ADGRG2: variants seen among roughly 807,000 people sequenced by gnomAD.
The protein encoded by ADGRG2 is adhesion G protein-coupled receptor G2.
In ADGRG2, 26 loss-of-function variants were observed where a neutral mutation model predicts 74.1. That is an observed-to-expected ratio of 0.35 (90% CI 0.26 to 0.49). The LOEUF is 0.49. Ranked by LOEUF, ADGRG2 falls within the 20% of genes least tolerant of loss-of-function variation. The pLI, the probability that ADGRG2 is intolerant of heterozygous loss-of-function variation, is 0.99. For missense variants in ADGRG2, 619 were observed against 763.1 expected, an observed-to-expected ratio of 0.81 and a Z score of 2.22; for synonymous variants, 296 against 295.2, an observed-to-expected ratio of 1.00 and a Z score of -0.03.
At chrX:19,063,273 C>T (rs186946522) in intron 3 of ADGRG2, among the ~76,000 whole-genome samples, 287 of 111,683 alleles carry the variant, frequency 2.6e-3, no homozygotes, top group African/African-American at 8.5e-3. Context: ...CTCCCAGAGC[C>T]CCGGGTCGGG....
chrX:19,028,173 TA>T lies in ADGRG2; in HGVS notation c.414+9del. ...TTAAGATTGCAGTAAAAAAAATCTT[TA>T]AAACTTACCTGGGGAACAGTGCTTT... On this transcript the variant is annotated intron_variant, in intron 10 of 28. Coordinates refer to ENST00000379869, the MANE Select transcript of ADGRG2 (RefSeq NM_001079858.3). 1.0e-6 allele frequency: 1 copy of T among 1,001,909 alleles called. No homozygotes were observed. The highest frequency in any genetic ancestry group is 1.4e-6 in the Non-Finnish European group (1 of 714,584). The allele number at this position is 1,001,909 out of a possible 1,213,427, so 82.6% of individuals were successfully genotyped here.
At chrX:19,114,066 T>C (rs1433546902) in intron 1 of ADGRG2, among the ~76,000 whole-genome samples, 1 of 87,740 alleles carries the variant, frequency 1.1e-5, no homozygotes, top group Non-Finnish European at 2.1e-5. Flanking sequence ...GGCAAGAATC[T>C]GTCTCAAAAA....
intron 1 of ADGRG2, among the ~76,000 whole-genome samples, chrX:19,111,940 T>A (rs964823798): frequency 1.8e-5 from 2 of 110,915 alleles, no homozygotes; most frequent in African/African-American, 3.3e-5. Context: ...AATCAATAAA[T>A]AGGGGAGAAG....
rs565502225 is a variant in ADGRG2, at chrX:19,100,358, T to C, written c.-46-17612A>G. Among the ~76,000 whole-genome samples, 12 of 113,390 alleles carry C rather than the reference T, an allele frequency of 1.1e-4. No homozygotes were observed. The South Asian group carries it at 4.3e-3, about 40-fold the overall frequency. On this transcript the variant is annotated intron_variant, in intron 1 of 28. Transcript: ENST00000379869. ...GCAGCCAAAATGGTCTCCATTGCAA[T>C]GACTGAACTCTGCTGTTGCAATGCA...
At chrX:19,061,093 T>C (rs757386105) in intron 3 of ADGRG2, among the ~76,000 whole-genome samples, 3 of 111,671 alleles carry the variant, frequency 2.7e-5, no homozygotes, top group South Asian at 7.6e-4. Flanking sequence ...TCCTTCCTCA[T>C]ATGGAGGAGG....
intron 20 of ADGRG2, among the ~76,000 whole-genome samples, chrX:19,006,753 ATTTTTTTTTTT>A (rs35276629): frequency 1.2e-5 from 1 of 81,841 alleles, no homozygotes; most frequent in Admixed American, 1.3e-4. Context: ...TAGGTGGTCA[ATTTTTTTTTTT>A]TTTTTTTTTT....
chrX:19,041,038 ATATG>A (rs1208184500), intron 3 of ADGRG2, among the ~76,000 whole-genome samples: 1 of 111,147 alleles, frequency 9.0e-6, no homozygotes, highest in Non-Finnish European at 1.9e-5. Flanking sequence ...ATATGTATAT[ATATG>A]TATGTATAAG....
Position 19,077,334 on chromosome X carries a change from TAAAAAAAAAAA to T in ADGRG2, c.-2+5357_-2+5367del, listed in dbSNP as rs34976230. On this transcript the variant is annotated intron_variant, in intron 2 of 28. Transcript: ENST00000379869. Reference sequence around the variant, plus strand: ...CAACATGATGAAACTCTGTCTCTACTAAAAAAAAAAAAAAAAAAAAAAAAAAAAATTAGCCA... The same window carrying T: ...CAACATGATGAAACTCTGTCTCTACTAAAAAAAAAAAAAAAAAATTAGCCA... 1.1e-3 allele frequency among the ~76,000 whole-genome samples: 41 copies of T among 38,615 alleles called. 1 individual carries two copies. Among genetic ancestry groups the T allele is most frequent in the Non-Finnish European group, 9.6e-4 (23 of 23,870 alleles). The allele number at this position is 38,615 out of a possible 115,157, so 33.5% of individuals were successfully genotyped here.
intron 1 of ADGRG2, among the ~76,000 whole-genome samples, chrX:19,121,934 C>T (rs2062616426): frequency 8.9e-6 from 1 of 111,999 alleles, no homozygotes; most frequent in African/African-American, 3.2e-5. Flanking sequence ...CGCTCCGTCC[C>T]TCGGTGCCCG....
At chrX:19,033,491 T>G in intron 8 of ADGRG2, 122 bp downstream of exon 8, 3 of 447,486 alleles carry the variant, frequency 6.7e-6, no homozygotes, top group Non-Finnish European at 8.0e-6. Context: ...ATCTGTTTGT[T>G]AAGACCAGAT....
chrX:19,005,648 G>A, intron 22 of ADGRG2, among the ~76,000 whole-genome samples: 1 of 107,820 alleles, frequency 9.3e-6, no homozygotes, highest in Non-Finnish European at 1.9e-5. Flanking sequence ...CTGCCTCCCA[G>A]GATCAAGCGA....
chrX:18,992,077 C>G (rs2059932852), intron 28 of ADGRG2, among the ~76,000 whole-genome samples: 1 of 111,396 alleles, frequency 9.0e-6, no homozygotes, highest in South Asian at 3.8e-4. Context: ...GAGATGGCTG[C>G]TGGTACCCCA....
chrX:19,009,534 CTA>C, intron 18 of ADGRG2, 90 bp downstream of exon 18: 1 of 816,585 alleles, frequency 1.2e-6, no homozygotes, highest in Non-Finnish European at 1.9e-6. Context: ...TCACCCCTGA[CTA>C]TAAGCAGTAA....
At chrX:19,012,557 T>C (rs182891233) in intron 16 of ADGRG2, among the ~76,000 whole-genome samples, 59 of 105,709 alleles carry the variant, frequency 5.6e-4, no homozygotes, top group African/African-American at 1.9e-3. Context: ...CTTTGGGAGG[T>C]TGAGGTGGGA....
chrX:19,014,209 G>T, intron 15 of ADGRG2, 135 bp from the exon 16 acceptor site: 1 of 492,605 alleles, frequency 2.0e-6, no homozygotes. Context: ...TCCAGCCTCT[G>T]CCATTTCACA....
intron 3 of ADGRG2, among the ~76,000 whole-genome samples, chrX:19,062,729 G>C (rs1351909943): frequency 3.6e-5 from 4 of 110,809 alleles, no homozygotes; most frequent in Non-Finnish European, 3.8e-5. Context: ...CAGCAAGAGA[G>C]GATAGGAGGA....
chrX:18,999,991 A>ATTTTT, intron 24 of ADGRG2, 31 bp from the exon 25 acceptor site: 8 of 568,836 alleles, frequency 1.4e-5, no homozygotes, highest in Middle Eastern at 5.6e-4. Flanking sequence ...GTCACACCTA[A>ATTTTT]TTTTTTTTTT....
At chrX:19,117,813 A>G (rs893876184) in intron 1 of ADGRG2, among the ~76,000 whole-genome samples, 2 of 110,619 alleles carry the variant, frequency 1.8e-5, no homozygotes. Flanking sequence ...GCAGGACTCT[A>G]TCTAAATAAA....
chrX:19,117,063 G>A (rs954068556), intron 1 of ADGRG2, among the ~76,000 whole-genome samples: 2 of 111,370 alleles, frequency 1.8e-5, no homozygotes, highest in African/African-American at 6.5e-5. Flanking sequence ...AGACCGAGGC[G>A]GGTGGATCAT....
Sources: gnomAD v4.1 joint callset for allele counts (sites outside exome capture counted in the v4.1 genomes callset) on GRCh38, gnomAD v4.1.1 for gene constraint, MANE v1.5 for transcripts, NCBI Gene and HGNC (gene_info 2026-07-23, HGNC 2026-07-21) for gene names.